PVT1: variants seen among roughly 807,000 people sequenced by gnomAD.
PVT1 encodes CXCR4/PVT1 fusion.
rs1003558664 is a variant in PVT1 at position 127,987,000 on chromosome 8, G to A, written n.783-2162G>A. Among the ~76,000 whole-genome samples, 6 of 152,224 alleles carry A rather than the reference G, an allele frequency of 3.9e-5. No homozygotes were observed. The East Asian group carries it at 1.2e-3, about 29-fold the overall frequency. On this transcript the variant is annotated intron_variant and non_coding_transcript_variant, in intron 3 of 10. Transcript: ENST00000651587. ...AAACCAACACTTCAGCCCTGTATTT[G>A]TGGATTTGTCTCTTGGTGTCAGGCA...
intron 3 of PVT1, among the ~76,000 whole-genome samples, chr8:127,970,300 T>TTTTG (rs1237466574): frequency 8.1e-6 from 1 of 122,922 alleles, no homozygotes; most frequent in African/African-American, 3.0e-5. Flanking sequence ...TTTTTTTTTT[T>TTTTG]TTTTTTTTTT....
At chr8:127,945,522 G>A (rs889209844) in intron 3 of PVT1, among the ~76,000 whole-genome samples, 4 of 152,158 alleles carry the variant, frequency 2.6e-5, no homozygotes, top group African/African-American at 7.2e-5. Flanking sequence ...ATTGCCAGGG[G>A]GATGAGCAGC....
chr8:127,984,885 CTT>C (rs1491297042), intron 3 of PVT1, among the ~76,000 whole-genome samples: 36 of 99,630 alleles, frequency 3.6e-4, no homozygotes, highest in African/African-American at 8.4e-4. Flanking sequence ...TTCTTTCTTT[CTT>C]TCTTTCTTTC....
intron 4 of PVT1, among the ~76,000 whole-genome samples, chr8:128,044,007 A>ATTT (rs1407949491): frequency 4.6e-5 from 1 of 21,898 alleles, no homozygotes; most frequent in African/African-American, 3.5e-4. Context: ...TTTTATTATT[A>ATTT]TTTATTTATT....
intron 2 of PVT1, among the ~76,000 whole-genome samples, chr8:127,855,491 G>C (rs926739699): frequency 9.2e-5 from 14 of 152,196 alleles, no homozygotes; most frequent in African/African-American, 3.4e-4. Context: ...GTGGCTTTGG[G>C]GGGGACATTT....
At chr8:127,811,885 G>A (rs983849192) in intron 2 of PVT1, among the ~76,000 whole-genome samples, 2 of 151,858 alleles carry the variant, frequency 1.3e-5, no homozygotes, top group Non-Finnish European at 2.9e-5. Context: ...TTTCCATCAG[G>A]GTAACAAGCA....
chr8:127,943,996 T>C (rs181066461), intron 3 of PVT1, among the ~76,000 whole-genome samples: 1 of 152,356 alleles, frequency 6.6e-6, no homozygotes, highest in Non-Finnish European at 1.5e-5. Context: ...CTAGTGCTTT[T>C]CATTCCATGC....
chr8:127,886,100 G>C (rs1815519519), intron 2 of PVT1, among the ~76,000 whole-genome samples: 1 of 151,866 alleles, frequency 6.6e-6, no homozygotes, highest in African/African-American at 2.4e-5. Context: ...CTGTCTCAAG[G>C]AAAAAATAAA....
At chr8:127,804,748 A>G (rs1814507312) in intron 2 of PVT1, among the ~76,000 whole-genome samples, 1 of 149,124 alleles carries the variant, frequency 6.7e-6, no homozygotes, top group Admixed American at 6.7e-5. Flanking sequence ...TAGTTCAGAC[A>G]GGGTTTCACC....
At chr8:127,812,113 G>GA (rs1814601039) in intron 2 of PVT1, among the ~76,000 whole-genome samples, 1 of 104,774 alleles carries the variant, frequency 9.5e-6, no homozygotes, top group Non-Finnish European at 1.8e-5. Context: ...CGTCTCAAAA[G>GA]AAAAGAAAGG....
chr8:127,815,537 C>T (rs1233689785), intron 2 of PVT1, among the ~76,000 whole-genome samples: 1 of 152,156 alleles, frequency 6.6e-6, no homozygotes, highest in Non-Finnish European at 1.5e-5. Flanking sequence ...GAGTTCTTGT[C>T]AGTGCTTTCG....
chr8:128,001,491 G>A (rs1024651175), intron 4 of PVT1, among the ~76,000 whole-genome samples: 4 of 152,130 alleles, frequency 2.6e-5, no homozygotes, highest in Non-Finnish European at 5.9e-5. Flanking sequence ...GTCCCAGAAG[G>A]CAGAGGCTGA....
intron 4 of PVT1, among the ~76,000 whole-genome samples, chr8:128,038,097 A>G (rs1193099351): frequency 1.3e-5 from 2 of 152,168 alleles, no homozygotes; most frequent in East Asian, 3.9e-4. Context: ...TTAGGTGACA[A>G]CCGTGGTCTT....
intron 5 of PVT1, among the ~76,000 whole-genome samples, chr8:128,091,083 G>A (rs1188755004): frequency 2.0e-5 from 3 of 152,164 alleles, no homozygotes; most frequent in African/African-American, 4.8e-5. Context: ...CTGAGCACAC[G>A]TGCCTAGCAT....
chr8:127,984,756 GCCA>G (rs1816924927), intron 3 of PVT1, among the ~76,000 whole-genome samples: 1 of 152,078 alleles, frequency 6.6e-6, no homozygotes. Flanking sequence ...ACAGGCATAC[GCCA>G]CCATGCCCAG....
intron 2 of PVT1, among the ~76,000 whole-genome samples, chr8:127,844,841 G>C (rs1382430385): frequency 6.6e-6 from 1 of 152,120 alleles, no homozygotes; most frequent in Non-Finnish European, 1.5e-5. Context: ...AGCCTCCCGA[G>C]TAGCTGGAAC....
intron 2 of PVT1, among the ~76,000 whole-genome samples, chr8:127,823,222 G>A (rs1814752635): frequency 6.6e-6 from 1 of 152,150 alleles, no homozygotes; most frequent in Admixed American, 6.5e-5. Flanking sequence ...ATGGGGATGT[G>A]GATTCTTGTG....
intron 2 of PVT1, among the ~76,000 whole-genome samples, chr8:127,872,947 A>C (rs1815368678): frequency 6.6e-6 from 1 of 152,238 alleles, no homozygotes; most frequent in African/African-American, 2.4e-5. Flanking sequence ...GTGACGGGAC[A>C]GCCCTGTCCA....
At position 127,850,816 on chromosome 8, in the gene PVT1, C is replaced by G. The variant is rs1815099162; in HGVS notation, n.373-39773C>G. On this transcript the variant is annotated intron_variant and non_coding_transcript_variant, in intron 2 of 10. Transcript: ENST00000651587. ...GGTGGATCACCTGAGGTCAGGAGTT[C>G]AAGACCAGCCTGGCCAACATGGCAA... Among the ~76,000 whole-genome samples the G allele has an allele frequency of 2.0e-5, 3 of 152,086 alleles. No individual in the cohort carries two copies. In the South Asian group the frequency reaches 6.2e-4, roughly 32 times the overall value.
Sources: gnomAD v4.1 joint callset for allele counts (sites outside exome capture counted in the v4.1 genomes callset) on GRCh38, gnomAD v4.1.1 for gene constraint, MANE v1.5 for transcripts, NCBI Gene and HGNC (gene_info 2026-07-23, HGNC 2026-07-21) for gene names.